Variants in SLC16A14 observed in about 807,000 individuals in gnomAD.
SLC16A14 encodes monocarboxylate transporter 14.
A neutral mutation model predicts 35.8 loss-of-function variants in SLC16A14; 14 were observed. The ratio of observed to expected loss-of-function variants is 0.39; its 90% confidence interval spans 0.26 to 0.61. SLC16A14 has a LOEUF of 0.61. Ranked by LOEUF, SLC16A14 falls within the 20% of genes least tolerant of loss-of-function variation. The probability of loss-of-function intolerance (pLI) is 0.51; values close to 1 mark genes in which losing one functional copy is unlikely to be tolerated. For synonymous variants in SLC16A14, 248 were observed against 258.9 expected (o/e 0.96, Z 0.40); for missense variants, 533 against 655.0 (o/e 0.81, Z 2.03).
rs1189601093 is a variant in SLC16A14, at chr2:230,038,017, A to C, written c.1382-486T>G. Reference sequence around the variant, plus strand: ...GGCAGAAGACATTTGAACTTTCTTCATTCATTCTGAAGTATTTGAGGGTAC... The same window carrying C: ...GGCAGAAGACATTTGAACTTTCTTCCTTCATTCTGAAGTATTTGAGGGTAC... On this transcript the variant is annotated intron_variant, in intron 4 of 4. Coordinates refer to ENST00000295190, the MANE Select transcript of SLC16A14 (RefSeq NM_152527.5). The surrounding 1 kb of genome is among the most constrained non-coding windows in gnomAD (Gnocchi z 4.4). Among the ~76,000 whole-genome samples, 2 of 152,248 alleles carry C rather than the reference A, an allele frequency of 1.3e-5. No individual in the cohort carries two copies. Among genetic ancestry groups the C allele is most frequent in the Non-Finnish European group, 2.9e-5 (2 of 68,044 alleles).
At chr2:230,062,284 T>C (rs951069022) in intron 1 of SLC16A14, among the ~76,000 whole-genome samples, 1 of 151,914 alleles carries the variant, frequency 6.6e-6, no homozygotes, top group African/African-American at 2.4e-5. Context: ...TTGTGGCAAA[T>C]TGCACAGTGC....
chr2:230,060,173 G>A (rs984150641), intron 1 of SLC16A14, among the ~76,000 whole-genome samples: 1 of 152,166 alleles, frequency 6.6e-6, no homozygotes, highest in African/African-American at 2.4e-5. Flanking sequence ...GTAGGCAGGA[G>A]CTAGATCATG....
chr2:230,047,307 C>CT (rs56262602), intron 3 of SLC16A14, among the ~76,000 whole-genome samples: 20,658 of 110,050 alleles, frequency 0.19, 2,233 homozygotes, highest in South Asian at 0.29. Context: ...TATCTGACTT[C>CT]TTTTTTTTTT....
At chr2:230,049,675 G>T in intron 3 of SLC16A14, 86 bp downstream of exon 3, 1 of 1,415,432 alleles carries the variant, frequency 7.1e-7, no homozygotes, top group Non-Finnish European at 9.8e-7. Context: ...ATGTTTTAAT[G>T]TGTCTCTTTT....
chr2:230,046,283 C>T lies in SLC16A14; in HGVS notation c.843G>A (p.Arg281=), dbSNP rs1490387283. 1.2e-6 allele frequency: 2 copies of T among 1,614,226 alleles called. No individual in the cohort carries two copies. The highest frequency in any genetic ancestry group is 1.3e-5 in the African/African-American group (1 of 75,072). Reference sequence around the variant, plus strand: ...TGAGCCAGCTGACAGTCTTCAGAATCCGGAGGGCACACATGTTCTTCCTGT... The same window carrying T: ...TGAGCCAGCTGACAGTCTTCAGAATTCGGAGGGCACACATGTTCTTCCTGT... ...AGHRKNMCAL[R]ILKTVSWLTM... The change falls in exon 4 of 5, where the codon CGG becomes CGA. Residue 281 remains arginine (R), a synonymous_variant. Transcript: ENST00000295190. This position sits in a 1 kb window ranked among gnomAD's most constrained non-coding sequence, Gnocchi z 5.0.
Position 230,045,951 on chromosome 2 carries a change from A to C in SLC16A14, c.1175T>G (p.Leu392Arg), listed in dbSNP as rs2077602362. The C allele has an allele frequency of 6.2e-7, 1 of 1,613,040 alleles. No individual in the cohort carries two copies. The highest frequency in any genetic ancestry group is 8.5e-7 in the Non-Finnish European group (1 of 1,179,104). ...CGGCAGAATAAAAATACTGAGGACA[A>C]GGGTGAAGTTGGCCAACAGGAAGAC... The part of the protein sequence containing the change: ...WNVFLLANFT[L>R]VLSIFILPLM... Residue 392 changes from leucine to arginine, a missense_variant, in exon 4 of 5, where the codon CTT becomes CGT. Transcript: ENST00000295190.
In SLC16A14 at chr2:230,046,665, T is replaced by C; in HGVS notation, c.461A>G (p.Gln154Arg). The C allele has an allele frequency of 1.2e-6, 2 of 1,603,654 alleles. No homozygotes were observed. Among genetic ancestry groups the C allele is most frequent in the Non-Finnish European group, 1.7e-6 (2 of 1,179,974 alleles). The change falls in exon 4 of 5, where the codon CAG (glutamine) becomes CGG (arginine). Residue 154 changes from glutamine to arginine, a missense_variant. Gln to Arg is a conservative substitution (Grantham distance 43). Coordinates refer to ENST00000295190, the MANE Select transcript of SLC16A14 (RefSeq NM_152527.5). This position sits in a 1 kb window ranked among gnomAD's most constrained non-coding sequence, Gnocchi z 5.0. ...PAVVMVGRYF[Q>R]KRRALAQGLS... ...GCCCTGGGCGAGGGCGCGTCTCTTC[T>C]GGAAATACCTGCCCACCATGACCAC...
intron 4 of SLC16A14, among the ~76,000 whole-genome samples, chr2:230,042,254 G>A (rs2077566973): frequency 6.6e-6 from 1 of 152,162 alleles, no homozygotes; most frequent in African/African-American, 2.4e-5. Flanking sequence ...AAGCAGTCAA[G>A]AGATAAGACC....
intron 2 of SLC16A14, among the ~76,000 whole-genome samples, chr2:230,050,261 A>T (rs919274471): frequency 2.0e-5 from 3 of 152,210 alleles, no homozygotes; most frequent in African/African-American, 7.2e-5. Flanking sequence ...ATGTTTAAAA[A>T]TTAAGAGGAT....
chr2:230,063,507 A>C lies in SLC16A14; in HGVS notation c.-14-4141T>G, dbSNP rs1480980759. Among the ~76,000 whole-genome samples, 3 of 152,106 alleles carry C rather than the reference A, an allele frequency of 2.0e-5. No individual in the cohort carries two copies. The East Asian group carries it at 5.8e-4, about 29-fold the overall frequency. On this transcript the variant is annotated intron_variant, in intron 1 of 4. Transcript: ENST00000295190. ...AACAGTGAAAAAAGACCCTGAAAAC[A>C]TCTTTACTATCTAACATCAGAATAC...
At position 230,037,524 on chromosome 2, in the gene SLC16A14, G is replaced by C; in HGVS notation, c.1389C>G (p.Ile463Met). The change falls in exon 5 of 5, where the codon ATC becomes ATG. Residue 463 changes from isoleucine (I) to methionine (M), a missense_variant. Physicochemically the swap from Ile to Met is conservative, Grantham distance 10. Transcript: ENST00000295190. The part of the protein sequence containing the change: ...ALLGPPFAGW[I>M]YDITQKYDFS... ...AATCATATTTTTGCGTGATGTCATA[G>C]ATCCACCCTACAAAACAAAAAAGAA... 1 of 1,604,066 alleles carries C rather than the reference G, an allele frequency of 6.2e-7. No homozygotes were observed. The highest frequency in any genetic ancestry group is 8.5e-7 in the Non-Finnish European group (1 of 1,177,228).
chr2:230,061,161 A>T (rs975826833), intron 1 of SLC16A14, among the ~76,000 whole-genome samples: 6 of 152,218 alleles, frequency 3.9e-5, no homozygotes, highest in African/African-American at 1.4e-4. Context: ...GGACTTAAAA[A>T]CAACAAACAA....
chr2:230,060,275 A>C (rs1324622648), intron 1 of SLC16A14, among the ~76,000 whole-genome samples: 2 of 152,124 alleles, frequency 1.3e-5, no homozygotes, highest in Non-Finnish European at 2.9e-5. Context: ...CTTTGCATAG[A>C]TCTATCTCTC....
At position 230,059,270 on chromosome 2, in the gene SLC16A14, A is replaced by G. The variant is rs747135070; in HGVS notation, c.83T>C (p.Ile28Thr). 42 of 1,613,926 alleles carry G rather than the reference A, an allele frequency of 2.6e-5. No homozygotes were observed. The Admixed American group carries it at 5.5e-4, about 21-fold the overall frequency. ...CATCATCCAAGCCCATCCGCCATCA[A>G]TGTTTGGGTGGGGCTTCAGTGTCTT... ...DKKTLKPHPN[I>T]DGGWAWMMVL... Residue 28 changes from isoleucine to threonine, a missense_variant, in exon 2 of 5, where the codon ATT becomes ACT. By Grantham distance (89) the Ile-to-Thr change is moderately conservative. Coordinates refer to ENST00000295190, the MANE Select transcript of SLC16A14 (RefSeq NM_152527.5).
intron 2 of SLC16A14, among the ~76,000 whole-genome samples, chr2:230,058,576 G>A (rs1177471330): frequency 6.6e-6 from 1 of 152,098 alleles, no homozygotes; most frequent in East Asian, 1.9e-4. Context: ...GGATGGTGGT[G>A]ATGGTTGTGA....
Position 230,036,480 on chromosome 2 carries a change from CT to C in SLC16A14, c.*899del, listed in dbSNP as rs2077520763. 6.6e-6 allele frequency: 1 copy of C among 152,166 alleles called. No individual in the cohort carries two copies. Among genetic ancestry groups the C allele is most frequent in the Admixed American group, 6.5e-5 (1 of 15,270 alleles). 9.4% of individuals were successfully genotyped at this position (152,166 alleles called of 1,614,324 possible). A position where few individuals can be genotyped will look rare whatever the true frequency, so the allele number is the denominator to read the frequency against. The stretch of plus-strand genomic sequence containing the variant: ...GCAACATTCCTTGGAGATGATTTAA[CT>C]ATTAACTTTATTTGTCAGTTAGCAA... On this transcript the variant is annotated 3_prime_UTR_variant, in exon 5 of 5. Transcript: ENST00000295190.
intron 2 of SLC16A14, among the ~76,000 whole-genome samples, chr2:230,051,755 C>A (rs1169788486): frequency 1.3e-5 from 2 of 152,086 alleles, no homozygotes; most frequent in Non-Finnish European, 2.9e-5. Context: ...AAAGTTCTAA[C>A]TATATTCATG....
chr2:230,064,563 T>C (rs2077777494), intron 1 of SLC16A14, among the ~76,000 whole-genome samples: 1 of 152,152 alleles, frequency 6.6e-6, no homozygotes, highest in Non-Finnish European at 1.5e-5. Flanking sequence ...CCAGGCAGCT[T>C]GACACAAGGT....
chr2:230,042,055 C>A (rs868147110), intron 4 of SLC16A14, among the ~76,000 whole-genome samples: 7 of 152,188 alleles, frequency 4.6e-5, no homozygotes, highest in Admixed American at 3.3e-4. Context: ...AAGAAACCAA[C>A]AAATGCAAAT....
Sources: allele counts gnomAD v4.1 joint callset (sites outside exome capture counted in the v4.1 genomes callset), GRCh38; gene constraint gnomAD v4.1.1; non-coding constraint Gnocchi (gnomAD v3.1); transcripts MANE v1.5; gene names NCBI Gene and HGNC (gene_info 2026-07-23, HGNC 2026-07-21).